ENTPD5: variants seen among roughly 807,000 people sequenced by gnomAD.
ENTPD5 encodes the protein ectonucleoside triphosphate diphosphohydrolase 5 (inactive), also known as nucleoside diphosphate phosphatase ENTPD5.
In ENTPD5, 49 loss-of-function variants were observed where a neutral mutation model predicts 60.2. That is an observed-to-expected ratio of 0.81 (90% CI 0.65 to 1.03). The LOEUF (loss-of-function observed/expected upper bound fraction) is 1.03. ENTPD5 is among the 50% of genes least tolerant of loss of function. ENTPD5 has a pLI of 0.00. For missense variants in ENTPD5, 480 were observed against 507.6 expected (o/e 0.95, Z 0.52); for synonymous variants, 187 against 185.4 (o/e 1.01, Z -0.07).
chr14:73,972,195 G>A (rs548116230), intron 13 of ENTPD5, among the ~76,000 whole-genome samples: 2 of 151,816 alleles, frequency 1.3e-5, no homozygotes, highest in South Asian at 4.2e-4. Flanking sequence ...TGACCAACAT[G>A]GTGAAACCTC....
chr14:73,991,316 A>G (rs2140679431), intron 3 of ENTPD5, among the ~76,000 whole-genome samples: 1 of 152,226 alleles, frequency 6.6e-6, no homozygotes, highest in Admixed American at 6.6e-5. Context: ...GGCCAGGAGC[A>G]GTGCCTCACA....
chr14:73,987,777 G>T, intron 4 of ENTPD5, 109 bp downstream of exon 4: 3 of 897,762 alleles, frequency 3.3e-6, no homozygotes, highest in East Asian at 2.7e-5. Context: ...ACATCCACTA[G>T]GTGTGAGATT....
chr14:74,001,434 C>T (rs2058502745), intron 3 of ENTPD5, among the ~76,000 whole-genome samples: 2 of 150,750 alleles, frequency 1.3e-5, no homozygotes, highest in African/African-American at 2.4e-5. Flanking sequence ...CCTGGGAGGC[C>T]GAGCTTGCAG....
At chr14:73,983,667 T>C (rs1287176469) in intron 5 of ENTPD5, among the ~76,000 whole-genome samples, 1 of 145,004 alleles carries the variant, frequency 6.9e-6, no homozygotes, top group African/African-American at 2.6e-5. Flanking sequence ...TTGACAGTCC[T>C]AATAAAAAAT....
At position 73,987,867 on chromosome 14, in the gene ENTPD5, G is replaced by A. The variant is rs756354155; in HGVS notation, c.217+19C>T. 1.9e-6 allele frequency: 3 copies of A among 1,612,954 alleles called. No individual in the cohort carries two copies. Among genetic ancestry groups the A allele is most frequent in the East Asian group, 2.2e-5 (1 of 44,862 alleles). ...AGTGTGGATTTACAGACTCTACTAA[G>A]GGTCCCAGTTGCACTTACCTGGCAT... On this transcript the variant is annotated intron_variant, in intron 4 of 15. Transcript: ENST00000334696.
intron 3 of ENTPD5, among the ~76,000 whole-genome samples, chr14:73,994,526 A>G (rs2058265245): frequency 6.7e-6 from 1 of 150,324 alleles, no homozygotes. Context: ...TGAGGTCAGG[A>G]GTTCGAAACC....
In ENTPD5 at chr14:73,964,868, T is replaced by A. The variant is rs868611605; in HGVS notation, c.*2060A>T. ...TCAGCTCAATATAAGGAATTTTTTTTAATATCAGTGCAGTTCCAAATGGAA... is the reference window on the plus strand; with the variant it reads ...TCAGCTCAATATAAGGAATTTTTTTAAATATCAGTGCAGTTCCAAATGGAA... On this transcript the variant is annotated 3_prime_UTR_variant, in exon 16 of 16. Coordinates refer to ENST00000334696, the MANE Select transcript of ENTPD5 (RefSeq NM_001249.5). 8.5e-5 allele frequency: 13 copies of A among 152,194 alleles called. No homozygotes were observed. Among genetic ancestry groups the A allele is most frequent in the African/African-American group, 2.2e-4 (9 of 41,462 alleles). 9.4% of individuals were successfully genotyped at this position (152,194 alleles called of 1,614,324 possible). A position where few individuals can be genotyped will look rare whatever the true frequency, so the allele number is the denominator to read the frequency against.
downstream of ENTPD5, chr14:73,958,896 T>C (rs1482355823): frequency 6.9e-6 from 11 of 1,588,720 alleles, no homozygotes; most frequent in Admixed American, 5.4e-5. Flanking sequence ...GAGGAAACTT[T>C]AGGGAGCAGA....
chr14:74,010,285 T>C (rs1238330848), intron 3 of ENTPD5, among the ~76,000 whole-genome samples: 1 of 151,054 alleles, frequency 6.6e-6, no homozygotes, highest in Non-Finnish European at 1.5e-5. Context: ...CCAGGCGCAG[T>C]GGCTCACGCC....
At chr14:73,976,472 T>C in intron 8 of ENTPD5, 60 bp from the exon 9 acceptor site, 1 of 1,332,238 alleles carries the variant, frequency 7.5e-7, no homozygotes, top group Non-Finnish European at 1.1e-6. Context: ...AACACTTGTC[T>C]CTCTTGCTCT....
At chr14:73,986,622 C>G in intron 5 of ENTPD5, 192 bp downstream of exon 5, 1 of 570,082 alleles carries the variant, frequency 1.8e-6, no homozygotes, top group Non-Finnish European at 3.1e-6. Flanking sequence ...AATTTTCTAG[C>G]CTTCTTCCAC....
At chr14:74,014,388 CCCA>C (rs1566774524) in intron 2 of ENTPD5, among the ~76,000 whole-genome samples, 64 of 144,974 alleles carry the variant, frequency 4.4e-4, no homozygotes, top group African/African-American at 1.6e-3. Flanking sequence ...ACTCCCCCCC[CCCA>C]CAAAAAAAAG....
chr14:73,959,556 G>A (rs764377490), downstream of ENTPD5: 3 of 1,613,830 alleles, frequency 1.9e-6, no homozygotes, highest in Admixed American at 1.7e-5. Flanking sequence ...ATGATGTGCT[G>A]CAGGGGGAGA....
intron 3 of ENTPD5, among the ~76,000 whole-genome samples, chr14:74,009,665 C>T (rs778865535): frequency 5.3e-5 from 8 of 152,210 alleles, no homozygotes; most frequent in Non-Finnish European, 1.2e-4. Flanking sequence ...CTCTGTCACC[C>T]AGGCTGCAGT....
chr14:74,015,600 GC>G (rs2058994808), intron 2 of ENTPD5, among the ~76,000 whole-genome samples: 1 of 151,936 alleles, frequency 6.6e-6, no homozygotes, highest in Non-Finnish European at 1.5e-5. Context: ...CAATCCGTCT[GC>G]CTTGGCCTCC....
At chr14:74,005,403 G>GT (rs151186962) in intron 3 of ENTPD5, among the ~76,000 whole-genome samples, 2,016 of 146,688 alleles carry the variant, frequency 0.014, 47 homozygotes, top group African/African-American at 0.048. Context: ...GTTTCACTAT[G>GT]TTTGTCAGAT....
Position 73,966,866 on chromosome 14 carries a change from G to A in ENTPD5, c.*62C>T. The A allele has an allele frequency of 7.9e-7, 1 of 1,263,010 alleles. No individual in the cohort carries two copies. The highest frequency in any genetic ancestry group is 1.2e-6 in the Non-Finnish European group (1 of 865,384). The allele number at this position is 1,263,010 out of a possible 1,614,324, so 78.2% of individuals were successfully genotyped here. On this transcript the variant is annotated 3_prime_UTR_variant, in exon 16 of 16. Transcript: ENST00000334696. ...GTCCCCAGACTAGTTCAGAAACTAA[G>A]TGCTCTCTCCTCCCCTTAAAAAGGT...
At chr14:73,959,321 G>T, downstream of ENTPD5, 1 of 1,614,074 alleles carries the variant, frequency 6.2e-7, no homozygotes, top group Non-Finnish European at 8.5e-7. Context: ...ATCTGCCCAG[G>T]CTGTTTGTAA....
downstream of ENTPD5, chr14:73,958,470 T>G (rs570018263): frequency 4.3e-4 from 616 of 1,440,286 alleles, 1 homozygote; most frequent in Middle Eastern, 7.9e-4. Flanking sequence ...AGCAATCTCA[T>G]GGGCCGTCTT....
Sources: allele counts gnomAD v4.1 joint callset (sites outside exome capture counted in the v4.1 genomes callset), GRCh38; gene constraint gnomAD v4.1.1; transcripts MANE v1.5; gene names NCBI Gene and HGNC (gene_info 2026-07-23, HGNC 2026-07-21).